Variants in SAT2 observed in about 807,000 individuals in gnomAD.
SAT2 encodes thialysine N-epsilon-acetyltransferase.
In SAT2, 19 loss-of-function variants were observed where a neutral mutation model predicts 24.8. The ratio of observed to expected loss-of-function variants is 0.77; its 90% confidence interval spans 0.53 to 1.12. SAT2 has a LOEUF of 1.12. Among genes scored for constraint, SAT2 ranks in the 50% most tolerant of loss-of-function variants. SAT2 has a pLI of 0.00. For synonymous variants in SAT2, 77 were observed against 77.4 expected (o/e 0.99, Z 0.03); for missense variants, 190 against 210.7 (o/e 0.90, Z 0.61).
chr17:7,626,708 C>G, intron 5 of SAT2, 45 bp downstream of exon 5: 2 of 1,613,942 alleles, frequency 1.2e-6, no homozygotes, highest in South Asian at 2.2e-5. Flanking sequence ...TCCATATACC[C>G]TTGCTTCTTC....
At position 7,626,382 on chromosome 17, in the gene SAT2, T is replaced by C; in HGVS notation, c.*65A>G. On this transcript the variant is annotated 3_prime_UTR_variant, in exon 6 of 6. Transcript: ENST00000269298. ...AGCATCAGTGTCTGTGGACGTAGTC[T>C]CTGAAGAGTGCTTCAGCTGATGGGG... 6.4e-7 allele frequency: 1 copy of C among 1,570,644 alleles called. No homozygotes were observed. Among genetic ancestry groups the C allele is most frequent in the Non-Finnish European group, 8.7e-7 (1 of 1,149,546 alleles).
In SAT2 at chr17:7,626,497, G is replaced by A; in HGVS notation, c.463C>T (p.His155Tyr). The change falls in exon 6 of 6, where the codon CAC (histidine) becomes TAC (tyrosine). Residue 155 changes from histidine to tyrosine, a missense_variant. Transcript: ENST00000269298. ...GCCTCTCCTTGAAAGCAGAAGAAGT[G>A]CCAGCCCTCAGCTTCCGTCAGATCT... ...AQDLTEAEGWHFFCFQGEATR... is the reference protein window; with the variant it reads ...AQDLTEAEGWYFFCFQGEATR... The A allele has an allele frequency of 6.2e-7, 1 of 1,614,108 alleles. No homozygotes were observed. The highest frequency in any genetic ancestry group is 8.5e-7 in the Non-Finnish European group (1 of 1,180,016).
In SAT2 at chr17:7,627,148, AGCTT is replaced by A; in HGVS notation, c.193_196del (p.Lys65TyrfsTer31). ...TAAGGGCCAGGTGCTCTTACCCAGT[AGCTT>A]CCCGGGCGCTGGAAGAATCTCTGCT... On this transcript the variant is annotated frameshift_variant, in exon 3 of 6. Transcript: ENST00000269298. LOFTEE classifies it high-confidence loss of function. This position sits in a 1 kb window ranked among gnomAD's most constrained non-coding sequence, Gnocchi z 4.8. 2 of 1,614,130 alleles carry A rather than the reference AGCTT, an allele frequency of 1.2e-6. No homozygotes were observed. The highest frequency in any genetic ancestry group is 1.7e-6 in the Non-Finnish European group (2 of 1,180,022).
intron 5 of SAT2, 53 bp from the exon 6 acceptor site, chr17:7,626,667 T>C: frequency 6.2e-7 from 1 of 1,611,318 alleles, no homozygotes. Context: ...AAAAAGGTTT[T>C]CTCACTCCCT....
In SAT2 at chr17:7,626,343, T is replaced by C. The variant is rs574662934; in HGVS notation, c.*104A>G. The C allele has an allele frequency of 4.6e-4, 615 of 1,331,386 alleles. 1 individual carries two copies. The highest frequency in any genetic ancestry group is 5.7e-4 in the South Asian group (42 of 73,438). 82.5% of individuals were successfully genotyped at this position (1,331,386 alleles called of 1,614,324 possible). On this transcript the variant is annotated 3_prime_UTR_variant, in exon 6 of 6. Coordinates refer to ENST00000269298, the MANE Select transcript of SAT2 (RefSeq NM_133491.5). Reference sequence around the variant, plus strand: ...GATAGGCACCCCTAACCCTCCTTCCTCCAGGGAGGCCTCAGCATCAGTGTC... The same window carrying C: ...GATAGGCACCCCTAACCCTCCTTCCCCCAGGGAGGCCTCAGCATCAGTGTC...
chr17:7,627,642 C>G lies in SAT2; in HGVS notation c.-7G>C, dbSNP rs1436952077. Reference sequence around the variant, plus strand: ...GGATCCGCACGGAAGCCATCCGGATCCCCGCTGTCTGGGACCAAAGTCCCA... The same window carrying G: ...GGATCCGCACGGAAGCCATCCGGATGCCCGCTGTCTGGGACCAAAGTCCCA... On this transcript the variant is annotated 5_prime_UTR_variant, in exon 1 of 6. Transcript: ENST00000269298. The surrounding 1 kb of genome is among the most constrained non-coding windows in gnomAD (Gnocchi z 4.8). 1 of 1,613,904 alleles carries G rather than the reference C, an allele frequency of 6.2e-7. No homozygotes were observed. The highest frequency in any genetic ancestry group is 1.7e-5 in the Admixed American group (1 of 59,990).
In SAT2 at chr17:7,627,692, C is replaced by T; in HGVS notation, c.-57G>A. The T allele has an allele frequency of 6.3e-7, 1 of 1,593,406 alleles. No individual in the cohort carries two copies. The highest frequency in any genetic ancestry group is 8.6e-7 in the Non-Finnish European group (1 of 1,161,376). ...AGGGCCTCGCAAACGGCAACTAGAC[C>T]CCTTAAAGGGCCTACGGACTTGGAT... On this transcript the variant is annotated 5_prime_UTR_variant, in exon 1 of 6. Transcript: ENST00000269298. The surrounding 1 kb of genome is among the most constrained non-coding windows in gnomAD (Gnocchi z 4.8).
rs1365838875 is a variant in SAT2 at position 7,627,588 on chromosome 17, A to G, written c.48T>C (p.Asp16=). 2 of 1,611,564 alleles carry G rather than the reference A, an allele frequency of 1.2e-6. No individual in the cohort carries two copies. The highest frequency in any genetic ancestry group is 2.7e-5 in the African/African-American group (2 of 74,762). ...TCTTCACCCGAATCAGCCTCAGGATATCTCCACAGTCTCCCTCCTTGGCCT... is the reference window on the plus strand; with the variant it reads ...TCTTCACCCGAATCAGCCTCAGGATGTCTCCACAGTCTCCCTCCTTGGCCT... ...IREAKEGDCG[D]ILRLIRELAE... is the part of the protein sequence containing the mutation. Residue 16 remains aspartate (D), a synonymous_variant, in exon 1 of 6, where the codon GAT becomes GAC. Transcript: ENST00000269298. This position sits in a 1 kb window ranked among gnomAD's most constrained non-coding sequence, Gnocchi z 4.8.
In SAT2 at chr17:7,627,199, T is replaced by C. The variant is rs2072239757; in HGVS notation, c.146A>G (p.Asn49Ser). The stretch of plus-strand genomic sequence containing the variant: ...TGCTACCAAACAGTGATAGAAAGGA[T>C]TGTCTCCAAAGCCATCTGCTCTCAG... ...EALRADGFGD[N>S]PFYHCLVAEI... is the part of the protein sequence containing the mutation. Residue 49 changes from asparagine to serine, a missense_variant, in exon 3 of 6, where the codon AAT becomes AGT. Coordinates refer to ENST00000269298, the MANE Select transcript of SAT2 (RefSeq NM_133491.5). The surrounding 1 kb of genome is among the most constrained non-coding windows in gnomAD (Gnocchi z 4.8). The C allele has an allele frequency of 1.9e-6, 3 of 1,613,912 alleles. No individual in the cohort carries two copies. The highest frequency in any genetic ancestry group is 1.6e-4 in the Middle Eastern group (1 of 6,084).
chr17:7,626,637 C>T (rs2072216334), intron 5 of SAT2, 23 bp from the exon 6 acceptor site: 2 of 1,611,490 alleles, frequency 1.2e-6, no homozygotes, highest in Non-Finnish European at 8.5e-7. Context: ...ACAACACTAA[C>T]TTTTCTGGGG....
rs760054429 is a variant in SAT2 at position 7,627,036 on chromosome 17, C to T, written c.211G>A (p.Val71Met). Residue 71 changes from valine (V) to methionine (M), a missense_variant, in exon 4 of 6, where the codon GTG (valine) becomes ATG (methionine). Val to Met is a conservative substitution (Grantham distance 21, BLOSUM62 1). Transcript: ENST00000269298. The surrounding 1 kb of genome is among the most constrained non-coding windows in gnomAD (Gnocchi z 4.8). ...PAPGKLLGPC[V>M]VGYGIYYFIY... ...AAATAGTATATCCCATAGCCCACCA[C>T]GCAGGGCCCTGAGAGAGAGAAAAGG... 18 of 1,613,726 alleles carry T rather than the reference C, an allele frequency of 1.1e-5. No individual in the cohort carries two copies. The South Asian group carries it at 1.4e-4, about 13-fold the overall frequency.
rs1187487150 is a variant in SAT2, at chr17:7,627,744, G to T, written c.-109C>A. 10 of 1,328,072 alleles carry T rather than the reference G, an allele frequency of 7.5e-6. No individual in the cohort carries two copies. The highest frequency in any genetic ancestry group is 1.1e-5 in the Non-Finnish European group (10 of 931,544). 82.3% of individuals were successfully genotyped at this position (1,328,072 alleles called of 1,614,324 possible). ...CTGAAGAGCCTGAGAGAGCGGGGTG[G>T]CGGGAGTCGGGGGGGACGGCGGGGT... On this transcript the variant is annotated 5_prime_UTR_variant, in exon 1 of 6. Coordinates refer to ENST00000269298, the MANE Select transcript of SAT2 (RefSeq NM_133491.5). The surrounding 1 kb of genome is among the most constrained non-coding windows in gnomAD (Gnocchi z 4.8).
intron 4 of SAT2, 28 bp from the exon 5 acceptor site, chr17:7,626,821 T>C (rs925930879): frequency 6.2e-7 from 1 of 1,613,216 alleles, no homozygotes; most frequent in Admixed American, 1.7e-5. Context: ...AGGCAAAAAA[T>C]AGCTATTGTT....
In SAT2 at chr17:7,626,358, G is replaced by T; in HGVS notation, c.*89C>A. On this transcript the variant is annotated 3_prime_UTR_variant, in exon 6 of 6. Transcript: ENST00000269298. ...CCCTCCTTCCTCCAGGGAGGCCTCA[G>T]CATCAGTGTCTGTGGACGTAGTCTC... 1 of 1,464,156 alleles carries T rather than the reference G, an allele frequency of 6.8e-7. No individual in the cohort carries two copies. The highest frequency in any genetic ancestry group is 9.4e-7 in the Non-Finnish European group (1 of 1,066,978). The allele number at this position is 1,464,156 out of a possible 1,614,324, so 90.7% of individuals were successfully genotyped here.
In SAT2 at chr17:7,627,443, G is replaced by C. The variant is rs751879508; in HGVS notation, c.67-29C>G. 6.2e-7 allele frequency: 1 copy of C among 1,613,552 alleles called. No homozygotes were observed. The highest frequency in any genetic ancestry group is 8.5e-7 in the Non-Finnish European group (1 of 1,179,612). Reference sequence around the variant, plus strand: ...AGGCGTGGGTACGGAAGCTAGATTAGAGCAGAAGGGCCCCGCTGCTCCCCG... The same window carrying C: ...AGGCGTGGGTACGGAAGCTAGATTACAGCAGAAGGGCCCCGCTGCTCCCCG... On this transcript the variant is annotated intron_variant, in intron 1 of 5. Transcript: ENST00000269298. The surrounding 1 kb of genome is among the most constrained non-coding windows in gnomAD (Gnocchi z 4.8).
chr17:7,627,015 A>G lies in SAT2; in HGVS notation c.232T>C (p.Tyr78His), dbSNP rs867603765. 3 of 1,613,856 alleles carry G rather than the reference A, an allele frequency of 1.9e-6. No individual in the cohort carries two copies. In the African/African-American group the frequency reaches 4.0e-5, roughly 22 times the overall value. The change falls in exon 4 of 6, where the codon TAT becomes CAT. Residue 78 changes from tyrosine to histidine, a missense_variant. Coordinates refer to ENST00000269298, the MANE Select transcript of SAT2 (RefSeq NM_133491.5). This position sits in a 1 kb window ranked among gnomAD's most constrained non-coding sequence, Gnocchi z 4.8. The stretch of plus-strand genomic sequence containing the variant: ...CCCTTCCATGTACTGTAGATGAAAT[A>G]GTATATCCCATAGCCCACCACGCAG... ...GPCVVGYGIY[Y>H]FIYSTWKGRT...
Position 7,626,798 on chromosome 17 carries a change from T to C in SAT2, c.305-5A>G. On this transcript the variant is annotated splice_region_variant and splice_polypyrimidine_tract_variant and intron_variant, in intron 4 of 5. Transcript: ENST00000269298. ...TTTTGGAACCAATCCCTTGACCTGT[T>C]GTGGAGAGAAAGAGGCAAAAAATAG... The C allele has an allele frequency of 1.2e-6, 2 of 1,613,992 alleles. No homozygotes were observed. The highest frequency in any genetic ancestry group is 1.7e-6 in the Non-Finnish European group (2 of 1,180,000).
At position 7,626,573 on chromosome 17, in the gene SAT2, G is replaced by C; in HGVS notation, c.387C>G (p.Val129=). 1.2e-6 allele frequency: 2 copies of C among 1,614,104 alleles called. No individual in the cohort carries two copies. The highest frequency in any genetic ancestry group is 1.7e-6 in the Non-Finnish European group (2 of 1,179,990). Reference sequence around the variant, plus strand: ...CCATGGCCCTCTGGTTCCAGTCCAGGACGGCCAGGCGGAATTGGGAGCAGC... The same window carrying C: ...CCATGGCCCTCTGGTTCCAGTCCAGCACGGCCAGGCGGAATTGGGAGCAGC... The part of the protein sequence containing the change: ...DKGCSQFRLA[V]LDWNQRAMDL... Residue 129 remains valine (V), a synonymous_variant, in exon 6 of 6, where the codon GTC becomes GTG. Transcript: ENST00000269298.
At chr17:7,626,868 C>A (rs764681729) in intron 4 of SAT2, 75 bp from the exon 5 acceptor site, 55 of 1,606,082 alleles carry the variant, frequency 3.4e-5, no homozygotes, top group Non-Finnish European at 4.6e-5. Context: ...ACCGGCTGGG[C>A]TCTGGGGACA....
Sources: gnomAD v4.1 joint callset for allele counts on GRCh38, gnomAD v4.1.1 for gene constraint, Gnocchi (gnomAD v3.1) non-coding constraint, MANE v1.5 for transcripts, NCBI Gene and HGNC (gene_info 2026-07-23, HGNC 2026-07-21) for gene names.